NFYC: variants seen among roughly 807,000 people sequenced by gnomAD.
The protein encoded by NFYC is CAAT box DNA-binding protein subunit C.
NFYC carries 25 observed loss-of-function variants against 53.1 expected under a neutral mutation model. The ratio of observed to expected loss-of-function variants is 0.47; its 90% CI spans 0.34 to 0.66. NFYC has a LOEUF of 0.66. NFYC is among the 30% of genes least tolerant of loss of function. The pLI, the probability that NFYC is intolerant of heterozygous loss-of-function variation, is 0.01. For synonymous variants in NFYC, 145 were observed against 152.6 expected (o/e 0.95, Z 0.37); for missense variants, 260 against 422.7 (o/e 0.62, Z 3.38).
chr1:40,729,661 T>A (rs147763658), intron 1 of NFYC, among the ~76,000 whole-genome samples: 15 of 152,182 alleles, frequency 9.9e-5, no homozygotes, highest in African/African-American at 3.4e-4. Context: ...GAGGCCTAGC[T>A]CTTGGTCCAT....
intron 1 of NFYC, among the ~76,000 whole-genome samples, chr1:40,715,149 A>AT (rs1445815073): frequency 6.6e-6 from 1 of 151,284 alleles, no homozygotes; most frequent in Non-Finnish European, 1.5e-5. Flanking sequence ...CATGCCTGTA[A>AT]TCCCAGCACT....
At chr1:40,735,565 A>G (rs1212948594) in intron 1 of NFYC, 1 of 984,360 alleles carries the variant, frequency 1.0e-6, no homozygotes, top group African/African-American at 1.7e-5. Flanking sequence ...ATCAGAGGAC[A>G]GCCAGAATTT....
rs1326107589 is a variant in NFYC, at chr1:40,736,144, C to T, written c.-8-2692C>T. 2.0e-5 allele frequency among the ~76,000 whole-genome samples: 3 copies of T among 152,194 alleles called. No homozygotes were observed. In the East Asian group the frequency reaches 5.8e-4, roughly 29 times the overall value. ...CTGTTCAGCTGTTTATAGGCCTCCA[C>T]CACAAGAAATTGGCTCCAAACCTAT... is the stretch of plus-strand genomic sequence containing the variant. On this transcript the variant is annotated intron_variant, in intron 1 of 9. Transcript: ENST00000447388.
chr1:40,726,373 C>T (rs1011677429), intron 1 of NFYC, among the ~76,000 whole-genome samples: 48 of 151,590 alleles, frequency 3.2e-4, no homozygotes, highest in Admixed American at 9.8e-4. Flanking sequence ...CCACCTCAGT[C>T]TCCCAAAGTG....
chr1:40,718,492 A>G (rs1644219011), intron 1 of NFYC, among the ~76,000 whole-genome samples: 1 of 152,234 alleles, frequency 6.6e-6, no homozygotes, highest in Non-Finnish European at 1.5e-5. Flanking sequence ...CTCTCATATT[A>G]TAGACTGCTT....
chr1:40,728,591 CACAAA>C lies in NFYC; in HGVS notation c.-8-10232_-8-10228del, dbSNP rs540881012. Among the ~76,000 whole-genome samples the C allele has an allele frequency of 9.1e-4, 139 of 152,048 alleles. 1 individual carries two copies. The Middle Eastern group carries it at 0.01, about 11-fold the overall frequency. Reference sequence around the variant, plus strand: ...AGCCTGGGCGACAGAGTGAGACTGTCACAAAACAAAACAAAACTCTGATGGAGTTG... The same window carrying C: ...AGCCTGGGCGACAGAGTGAGACTGTCACAAAACAAAACTCTGATGGAGTTG... On this transcript the variant is annotated intron_variant, in intron 1 of 9. Coordinates refer to ENST00000447388, the MANE Select transcript of NFYC (RefSeq NM_014223.5).
chr1:40,767,101 A>G (rs879419229), intron 8 of NFYC: 1 of 906,672 alleles, frequency 1.1e-6, no homozygotes, highest in Admixed American at 2.1e-5. Context: ...GCTTACTTAG[A>G]TTTTACCCCT....
intron 1 of NFYC, chr1:40,735,133 A>G (rs546092850): frequency 6.6e-6 from 1 of 150,592 alleles, no homozygotes; most frequent in African/African-American, 2.4e-5. Context: ...GGTTGAAGAA[A>G]AGCTGCGAGC....
intron 2 of NFYC, among the ~76,000 whole-genome samples, chr1:40,740,976 T>A (rs1645309640): frequency 6.6e-6 from 1 of 152,080 alleles, no homozygotes; most frequent in Admixed American, 6.6e-5. Flanking sequence ...TCGCCCCTTA[T>A]CCATTTTTAA....
At chr1:40,742,813 C>G (rs1318894586) in intron 2 of NFYC, among the ~76,000 whole-genome samples, 3 of 152,158 alleles carry the variant, frequency 2.0e-5, no homozygotes, top group Non-Finnish European at 4.4e-5. Flanking sequence ...TTGTGTGACT[C>G]TTATTTTCCC....
At chr1:40,756,990 G>C (rs1646261760) in intron 5 of NFYC, among the ~76,000 whole-genome samples, 1 of 152,192 alleles carries the variant, frequency 6.6e-6, no homozygotes, top group Non-Finnish European at 1.5e-5. Context: ...GTGGGGATGG[G>C]GTCAATACCA....
chr1:40,749,635 G>A lies in NFYC; in HGVS notation c.240G>A (p.Leu80=). Residue 80 remains leucine (L), a synonymous_variant, in exon 4 of 10, where the codon TTG becomes TTA. Coordinates refer to ENST00000447388, the MANE Select transcript of NFYC (RefSeq NM_014223.5). ...AKAAQIFITE[L]TLRAWIHTED... is the part of the protein sequence containing the mutation. The stretch of plus-strand genomic sequence containing the variant: ...CAGCCCAGATTTTTATCACAGAGTT[G>A]ACTCTTCGAGCCTGGATTCACACAG... 6.2e-7 allele frequency: 1 copy of A among 1,614,132 alleles called. No homozygotes were observed. Among genetic ancestry groups the A allele is most frequent in the Non-Finnish European group, 8.5e-7 (1 of 1,180,004 alleles).
At chr1:40,695,207 C>T (rs913631123) in intron 1 of NFYC, among the ~76,000 whole-genome samples, 5 of 151,994 alleles carry the variant, frequency 3.3e-5, no homozygotes, top group Non-Finnish European at 7.4e-5. Flanking sequence ...TCACTGCCCT[C>T]CAGTCTGGGC....
chr1:40,737,905 T>C (rs1158645455), intron 1 of NFYC, among the ~76,000 whole-genome samples: 16 of 143,840 alleles, frequency 1.1e-4, no homozygotes, highest in East Asian at 4.0e-4. Flanking sequence ...CTCTCTCTTT[T>C]TTTTTTTTTT....
At chr1:40,725,769 A>G (rs982314758) in intron 1 of NFYC, among the ~76,000 whole-genome samples, 1 of 152,230 alleles carries the variant, frequency 6.6e-6, no homozygotes, top group East Asian at 1.9e-4. Flanking sequence ...ACTGGTACAT[A>G]AAATGCTTGT....
At chr1:40,701,621 C>G (rs1232128072) in intron 1 of NFYC, among the ~76,000 whole-genome samples, 3 of 152,194 alleles carry the variant, frequency 2.0e-5, no homozygotes, top group Non-Finnish European at 4.4e-5. Flanking sequence ...CCTCCCATAG[C>G]ATTTTGCATT....
intron 1 of NFYC, among the ~76,000 whole-genome samples, chr1:40,710,071 C>T (rs1281819722): frequency 6.6e-6 from 1 of 152,208 alleles, no homozygotes; most frequent in African/African-American, 2.4e-5. Context: ...TGCACTGCTG[C>T]AGGTTCTAAT....
intron 6 of NFYC, among the ~76,000 whole-genome samples, chr1:40,761,145 C>G (rs1041638857): frequency 6.6e-6 from 1 of 152,190 alleles, no homozygotes; most frequent in Non-Finnish European, 1.5e-5. Flanking sequence ...GAAATCCTCT[C>G]GGGAAAATTG....
In NFYC at chr1:40,769,474, T is replaced by C; in HGVS notation, c.888+59T>C. On this transcript the variant is annotated intron_variant, in intron 9 of 9. Transcript: ENST00000447388. ...AGGATTTGCGGGGCAGGGTAGCAGG[T>C]AGTATCTGGGTTTGGATGGTTAGGG... 2.0e-6 allele frequency: 3 copies of C among 1,500,888 alleles called. No homozygotes were observed. The Admixed American group carries it at 5.0e-5, about 25-fold the overall frequency. The allele number at this position is 1,500,888 out of a possible 1,614,324, so 93.0% of individuals were successfully genotyped here. A position where few individuals can be genotyped will look rare whatever the true frequency, so the allele number is the denominator to read the frequency against.
Sources: gnomAD v4.1 joint callset for allele counts (sites outside exome capture counted in the v4.1 genomes callset) on GRCh38, gnomAD v4.1.1 for gene constraint, MANE v1.5 for transcripts, NCBI Gene and HGNC (gene_info 2026-07-23, HGNC 2026-07-21) for gene names.